Variants in HSD17B4 observed in about 807,000 individuals in gnomAD.
The protein encoded by HSD17B4 is hydroxysteroid 17-beta dehydrogenase 4, also known as peroxisomal multifunctional enzyme type 2.
Under a neutral mutation model 101.0 loss-of-function variants are expected in HSD17B4, and 70 were observed. The ratio of observed to expected loss-of-function variants is 0.69; its 90% CI spans 0.57 to 0.85. The LOEUF is 0.85. Ranked by LOEUF, HSD17B4 falls within the 40% of genes least tolerant of loss-of-function variation. The pLI is 0.00. For synonymous variants in HSD17B4, 347 were observed against 297.1 expected (o/e 1.17, Z -1.73); for missense variants, 984 against 892.4 (o/e 1.10, Z -1.31).
rs377015920 is a variant in HSD17B4 at position 119,542,087 on chromosome 5, G to C, written c.*93G>C. The stretch of plus-strand genomic sequence containing the variant: ...ATTCTGCAAAAGTGATTAGAACTAA[G>C]ATGCAGGGGAAATTGCTTAACATTT... On this transcript the variant is annotated 3_prime_UTR_variant, in exon 24 of 24. Coordinates refer to ENST00000510025, the MANE Select transcript of HSD17B4 (RefSeq NM_000414.4). 2.4e-6 allele frequency: 2 copies of C among 833,930 alleles called. No individual in the cohort carries two copies. Among genetic ancestry groups the C allele is most frequent in the Non-Finnish European group, 4.1e-6 (2 of 489,450 alleles). 51.7% of individuals were successfully genotyped at this position (833,930 alleles called of 1,614,324 possible).
rs10601221 is a variant in HSD17B4 at position 119,473,838 on chromosome 5, CCA to C, written c.113-53_113-52del. 0.51 allele frequency: 425,305 copies of C among 829,814 alleles called. 106,053 individuals carry two copies. The highest frequency in any genetic ancestry group is 0.9 in the East Asian group (34,744 of 38,716). 51.4% of individuals were successfully genotyped at this position (829,814 alleles called of 1,614,324 possible). On this transcript the variant is annotated intron_variant, in intron 2 of 23. Transcript: ENST00000510025. ...GTGCTAGTAATTAGAATTTCATTTT[CCA>C]CACACACACACACACATTTTGAAAG...
chr5:119,480,889 C>T (rs1027736210), intron 8 of HSD17B4, among the ~76,000 whole-genome samples: 1 of 152,168 alleles, frequency 6.6e-6, no homozygotes, highest in African/African-American at 2.4e-5. Flanking sequence ...CAATATTTCT[C>T]CCATTTGCTT....
rs151078357 is a variant in HSD17B4 at position 119,476,857 on chromosome 5, C to T, written c.350-560C>T. On this transcript the variant is annotated intron_variant, in intron 6 of 23. Transcript: ENST00000510025. ...TATACACATGAAAACATTTGTTTTA[C>T]CAAAAATAAGTAAGAATGCTTAAAA... is the stretch of plus-strand genomic sequence containing the variant. 606 of 250,442 alleles carry T rather than the reference C, an allele frequency of 2.4e-3. 3 individuals carry two copies. The highest frequency in any genetic ancestry group is 0.013 in the African/African-American group (557 of 43,076). 15.5% of individuals were successfully genotyped at this position (250,442 alleles called of 1,614,324 possible).
chr5:119,524,630 A>G (rs909360200), intron 17 of HSD17B4, among the ~76,000 whole-genome samples: 2 of 152,164 alleles, frequency 1.3e-5, no homozygotes, highest in Non-Finnish European at 1.5e-5. Flanking sequence ...CCACGCTGCT[A>G]ATCCTACTTT....
In HSD17B4 at chr5:119,474,470, C is replaced by G. The variant is rs201014485; in HGVS notation, c.280+10C>G. The G allele has an allele frequency of 4.6e-5, 73 of 1,570,300 alleles. No homozygotes were observed. The highest frequency in any genetic ancestry group is 6.2e-5 in the Non-Finnish European group (71 of 1,140,218). ...GCTTTTGGAAGAATAGGTGATGTTT[C>G]TTTGTGTTATGGCTCTTGTGGAGCA... is the stretch of plus-strand genomic sequence containing the variant. On this transcript the variant is annotated intron_variant, in intron 4 of 23. Coordinates refer to ENST00000510025, the MANE Select transcript of HSD17B4 (RefSeq NM_000414.4).
intron 1 of HSD17B4, 41 bp downstream of exon 1, chr5:119,452,674 C>T (rs1280675774): frequency 6.2e-7 from 1 of 1,612,710 alleles, no homozygotes; most frequent in Non-Finnish European, 8.5e-7. Context: ...CTTGCTGAGG[C>T]GCAGCTGGCT....
intron 8 of HSD17B4, among the ~76,000 whole-genome samples, chr5:119,482,998 C>G (rs1749281638): frequency 1.3e-5 from 2 of 151,664 alleles, no homozygotes; most frequent in African/African-American, 4.8e-5. Context: ...AGACAAGGCT[C>G]TGGTAAAGTA....
rs57252147 is a variant in HSD17B4 at position 119,463,655 on chromosome 5, C to CTTTTTTTTTTT, written c.112+7307_112+7317dup. ...ATATACTTCTTGGCCATTTATATGT[C>CTTTTTTTTTTT]TTTTTTTTTTTTTTTTTTTTTTTTT... On this transcript the variant is annotated intron_variant, in intron 2 of 23. Coordinates refer to ENST00000510025, the MANE Select transcript of HSD17B4 (RefSeq NM_000414.4). 1.1e-3 allele frequency among the ~76,000 whole-genome samples: 34 copies of CTTTTTTTTTTT among 29,700 alleles called. 4 individuals carry two copies. The highest frequency in any genetic ancestry group is 2.4e-3 in the Non-Finnish European group (30 of 12,394). The allele number at this position is 29,700 out of a possible 152,430, so 19.5% of individuals were successfully genotyped here. A position where few individuals can be genotyped will look rare whatever the true frequency, so the allele number is the denominator to read the frequency against.
intron 23 of HSD17B4, among the ~76,000 whole-genome samples, 189 bp from the exon 24 acceptor site, chr5:119,541,715 CT>C (rs147689714): frequency 1.8e-4 from 27 of 150,922 alleles, no homozygotes; most frequent in South Asian, 1.7e-3. Flanking sequence ...AATGATTTTT[CT>C]TTTTTTTAGA....
In HSD17B4 at chr5:119,525,931, A is replaced by G. The variant is rs752329901; in HGVS notation, c.1588A>G (p.Ile530Val). 6 of 1,604,928 alleles carry G rather than the reference A, an allele frequency of 3.7e-6. No homozygotes were observed. The highest frequency in any genetic ancestry group is 1.7e-5 in the Admixed American group (1 of 59,924). Residue 530 changes from isoleucine to valine, a missense_variant, in exon 19 of 24, where the codon ATA (isoleucine) becomes GTA (valine). Ile to Val is a conservative substitution (Grantham distance 29). Transcript: ENST00000510025. ...FASLAGFDKP[I>V]LHGLCTFGFS... is the part of the protein sequence containing the mutation. Reference sequence around the variant, plus strand: ...TCTTTTCCTAGGTTTTGACAAGCCCATATTACATGGATTATGTACATTTGG... The same window carrying G: ...TCTTTTCCTAGGTTTTGACAAGCCCGTATTACATGGATTATGTACATTTGG...
At chr5:119,498,469 T>A (rs1750849923) in intron 12 of HSD17B4, among the ~76,000 whole-genome samples, 1 of 152,230 alleles carries the variant, frequency 6.6e-6, no homozygotes, top group Non-Finnish European at 1.5e-5. Flanking sequence ...ACATTATTCT[T>A]TTATATGTAC....
At chr5:119,493,655 G>A (rs573501827) in intron 10 of HSD17B4, 163 bp from the exon 11 acceptor site, 1 of 652,620 alleles carries the variant, frequency 1.5e-6, no homozygotes, top group Non-Finnish European at 2.6e-6. Context: ...TAGTGGGTTT[G>A]TTGGGAAAAA....
chr5:119,452,679 C>G, intron 1 of HSD17B4, 46 bp downstream of exon 1: 1 of 1,612,184 alleles, frequency 6.2e-7, no homozygotes, highest in East Asian at 2.2e-5. Flanking sequence ...TGAGGCGCAG[C>G]TGGCTGCTCT....
intron 14 of HSD17B4, among the ~76,000 whole-genome samples, chr5:119,505,749 T>A (rs1326497195): frequency 1.3e-5 from 2 of 151,742 alleles, no homozygotes; most frequent in Non-Finnish European, 2.9e-5. Context: ...TTTTTTTTTA[T>A]TGCCAGATTG....
intron 2 of HSD17B4, among the ~76,000 whole-genome samples, chr5:119,468,583 T>C (rs1310674897): frequency 6.6e-6 from 1 of 152,158 alleles, no homozygotes; most frequent in Non-Finnish European, 1.5e-5. Flanking sequence ...TTTAGGAGAA[T>C]GTGCTTTGGA....
At chr5:119,493,472 G>A (rs1561457564) in intron 10 of HSD17B4, 2 of 239,836 alleles carry the variant, frequency 8.3e-6, no homozygotes, top group Non-Finnish European at 1.7e-5. Flanking sequence ...CAAGAAGAAT[G>A]AAGTATATTA....
chr5:119,523,082 C>T (rs1282494004), intron 17 of HSD17B4, among the ~76,000 whole-genome samples: 1 of 151,962 alleles, frequency 6.6e-6, no homozygotes, highest in Non-Finnish European at 1.5e-5. Flanking sequence ...TCTCTGTCTT[C>T]TAGTTACACT....
At chr5:119,519,099 C>T (rs1349674785) in intron 17 of HSD17B4, among the ~76,000 whole-genome samples, 1 of 152,202 alleles carries the variant, frequency 6.6e-6, no homozygotes, top group Non-Finnish European at 1.5e-5. Flanking sequence ...GATTACACCA[C>T]TGCACTCCAG....
At chr5:119,534,656 C>G (rs1380944306) in intron 22 of HSD17B4, among the ~76,000 whole-genome samples, 1 of 151,964 alleles carries the variant, frequency 6.6e-6, no homozygotes, top group Non-Finnish European at 1.5e-5. Context: ...GGTGTTGGTT[C>G]CAAACATTGG....
Sources: allele counts gnomAD v4.1 joint callset (sites outside exome capture counted in the v4.1 genomes callset), GRCh38; gene constraint gnomAD v4.1.1; transcripts MANE v1.5; gene names NCBI Gene and HGNC (gene_info 2026-07-23, HGNC 2026-07-21).